Variants in MUC5AC observed in about 807,000 individuals in gnomAD.
MUC5AC encodes mucin 5AC, oligomeric mucus/gel-forming.
A neutral mutation model predicts 169.7 loss-of-function variants in MUC5AC; 158 were observed. That is an observed-to-expected ratio of 0.93 (90% CI 0.82 to 1.06). The LOEUF is 1.06. Ranked by LOEUF, MUC5AC falls within the 50% of genes least tolerant of loss-of-function variation. The probability of loss-of-function intolerance (pLI) is 0.00; values close to 1 mark genes in which losing one functional copy is unlikely to be tolerated. For synonymous variants in MUC5AC, 1,975 were observed against 1,237.0 expected (o/e 1.60, Z -12.52); for missense variants, 4,359 against 3,089.9 (o/e 1.41, Z -9.74).
chr11:1,182,014 G>A (rs1011664204), intron 30 of MUC5AC, 141 bp from the exon 31 acceptor site: 2 of 397,838 alleles, frequency 5.0e-6, no homozygotes, highest in Non-Finnish European at 8.9e-6. Flanking sequence ...GCTCATGTGG[G>A]TTCTGAGCAG....
Position 1,195,245 on chromosome 11 carries a change from C to G in MUC5AC, c.15424C>G (p.Leu5142Val), listed in dbSNP as rs1311978171. The change falls in exon 36 of 49, where the codon CTG becomes GTG. Residue 5142 changes from leucine (L) to valine (V), a missense_variant. Physicochemically the swap from Leu to Val is conservative, Grantham distance 32 (BLOSUM62 1). Transcript: ENST00000621226. ...VGPTTPPAPCLPSPICQLILS... is the reference protein window; with the variant it reads ...VGPTTPPAPCVPSPICQLILS... ...GCCCACCACACCGCCTGCTCCGTGCCTGCCATCACCCATCTGCCAGCTGAT... is the reference window on the plus strand; with the variant it reads ...GCCCACCACACCGCCTGCTCCGTGCGTGCCATCACCCATCTGCCAGCTGAT... 1 of 761,824 alleles carries G rather than the reference C, an allele frequency of 1.3e-6. No homozygotes were observed. Among genetic ancestry groups the G allele is most frequent in the Non-Finnish European group, 2.4e-6 (1 of 416,722 alleles). The allele number at this position is 761,824 out of a possible 1,614,324, so 47.2% of individuals were successfully genotyped here. A position where few individuals can be genotyped will look rare whatever the true frequency, so the allele number is the denominator to read the frequency against.
chr11:1,198,164 C>A, intron 42 of MUC5AC, 104 bp from the exon 43 acceptor site: 1 of 697,852 alleles, frequency 1.4e-6, no homozygotes, highest in Non-Finnish European at 2.6e-6. Flanking sequence ...ACCCCAGTGG[C>A]GAGCCCGGGA....
Position 1,188,355 on chromosome 11 carries a change from A to G in MUC5AC, c.10210A>G (p.Thr3404Ala). 4.6e-6 allele frequency: 3 copies of G among 647,866 alleles called. No homozygotes were observed. The highest frequency in any genetic ancestry group is 8.6e-6 in the Non-Finnish European group (3 of 349,520). 40.1% of individuals were successfully genotyped at this position (647,866 alleles called of 1,614,324 possible). The change falls in exon 31 of 49, where the codon ACC (threonine) becomes GCC (alanine). Residue 3404 changes from threonine to alanine, a missense_variant. Thr to Ala is a moderately conservative substitution (Grantham distance 58, BLOSUM62 0). Transcript: ENST00000621226. ...AACCAGCACAACCTCCACTCCACAG[A>G]CCAGCATATCCTCTGCCCCTACAAG... ...PTTSTTSTPQ[T>A]SISSAPTSST... is the part of the protein sequence containing the mutation.
intron 31 of MUC5AC, 81 bp from the exon 32 acceptor site, chr11:1,192,702 T>C: frequency 1.4e-6 from 1 of 692,328 alleles, no homozygotes. Flanking sequence ...TGGTAGAAAG[T>C]GCCCCTCTGG....
Position 1,185,570 on chromosome 11 carries a change from C to T in MUC5AC, c.7425C>T (p.Ser2475=), listed in dbSNP as rs1860918491. The part of the protein sequence containing the change: ...TTRTTSAPKS[S]TTSAATTSTT... ...GAACAACTTCTGCTCCTAAAAGCAG[C>T]ACAACCTCTGCCGCTACAACCAGCA... is the stretch of plus-strand genomic sequence containing the variant. Residue 2475 remains serine (S), a synonymous_variant, in exon 31 of 49, where the codon AGC becomes AGT. Coordinates refer to ENST00000621226, the MANE Select transcript of MUC5AC (RefSeq NM_001304359.2). 2.2e-5 allele frequency: 16 copies of T among 721,160 alleles called. No individual in the cohort carries two copies. Among genetic ancestry groups the T allele is most frequent in the South Asian group, 2.2e-4 (15 of 69,314 alleles). The allele number at this position is 721,160 out of a possible 1,614,324, so 44.7% of individuals were successfully genotyped here. A position where few individuals can be genotyped will look rare whatever the true frequency, so the allele number is the denominator to read the frequency against.
At chr11:1,199,583 C>T in intron 46 of MUC5AC, 93 bp downstream of exon 46, 3 of 692,096 alleles carry the variant, frequency 4.3e-6, no homozygotes, top group South Asian at 1.5e-5. Context: ...CAGCAGACAC[C>T]CCCTCCTGCT....
chr11:1,170,127 TCACTCACTCACC>T (rs2133730878), intron 15 of MUC5AC, among the ~76,000 whole-genome samples: 3 of 81,634 alleles, frequency 3.7e-5, no homozygotes, highest in Non-Finnish European at 4.7e-5. Context: ...ATTCACCCAT[TCACTCACTCACC>T]CACTCACCCA....
chr11:1,173,318 CATCCACT>C (rs1860594694), intron 16 of MUC5AC, among the ~76,000 whole-genome samples: 1 of 131,402 alleles, frequency 7.6e-6, no homozygotes, highest in Non-Finnish European at 1.7e-5. Flanking sequence ...CTCACTCACT[CATCCACT>C]CACTCACTCA....
chr11:1,186,292 C>G lies in MUC5AC; in HGVS notation c.8147C>G (p.Thr2716Arg). Residue 2716 changes from threonine to arginine, a missense_variant, in exon 31 of 49, where the codon ACA (threonine) becomes AGA (arginine). Physicochemically the swap from Thr to Arg is moderately conservative, Grantham distance 71 (BLOSUM62 -1). Coordinates refer to ENST00000621226, the MANE Select transcript of MUC5AC (RefSeq NM_001304359.2). Reference protein sequence around the residue: ...TSTTSAPTTSTTSAPTTSTIS... With the variant: ...TSTTSAPTTSRTSAPTTSTIS... ...ACAACCTCTGCTCCCACAACAAGCACAACCTCTGCCCCTACAACCAGCACA... is the reference window on the plus strand; with the variant it reads ...ACAACCTCTGCTCCCACAACAAGCAGAACCTCTGCCCCTACAACCAGCACA... 1.4e-6 allele frequency: 1 copy of G among 731,900 alleles called. No individual in the cohort carries two copies. The allele number at this position is 731,900 out of a possible 1,614,324, so 45.3% of individuals were successfully genotyped here.
intron 26 of MUC5AC, 40 bp from the exon 27 acceptor site, chr11:1,179,982 G>A (rs938025148): frequency 1.3e-5 from 5 of 398,558 alleles, no homozygotes; most frequent in Non-Finnish European, 2.2e-5. Flanking sequence ...CTGCGAGTGA[G>A]TTCCTGGGAC....
chr11:1,198,093 G>T, intron 42 of MUC5AC, 89 bp downstream of exon 42: 1 of 645,728 alleles, frequency 1.5e-6, no homozygotes, highest in South Asian at 1.7e-5. Context: ...TGCCAGTGCG[G>T]CTTGTCCACT....
chr11:1,164,049 G>C, intron 7 of MUC5AC, 57 bp from the exon 8 acceptor site: 1 of 1,610,086 alleles, frequency 6.2e-7, no homozygotes, highest in Non-Finnish European at 8.5e-7. Context: ...TTGTGAGCCT[G>C]GGAACCGGTC....
chr11:1,175,931 ACT>A (rs1228412856), intron 19 of MUC5AC, among the ~76,000 whole-genome samples: 2 of 92,642 alleles, frequency 2.2e-5, no homozygotes, highest in Non-Finnish European at 2.4e-5. Context: ...ATGCACACAC[ACT>A]CATACTCATG....
intron 9 of MUC5AC, 104 bp downstream of exon 9, chr11:1,164,636 G>A (rs1406391825): frequency 9.1e-6 from 13 of 1,431,294 alleles, no homozygotes; most frequent in South Asian, 2.9e-5. Flanking sequence ...CTAGTGTCCC[G>A]GGCCCCTGAG....
Position 1,187,628 on chromosome 11 carries a change from C to G in MUC5AC, c.9483C>G (p.Thr3161=), listed in dbSNP as rs1860986637. The G allele has an allele frequency of 1.3e-6, 1 of 764,020 alleles. No individual in the cohort carries two copies. Among genetic ancestry groups the G allele is most frequent in the African/African-American group, 1.7e-5 (1 of 59,048 alleles). The allele number at this position is 764,020 out of a possible 1,614,324, so 47.3% of individuals were successfully genotyped here. A position where few individuals can be genotyped will look rare whatever the true frequency, so the allele number is the denominator to read the frequency against. Residue 3161 remains threonine (T), a synonymous_variant, in exon 31 of 49, where the codon ACC becomes ACG. Transcript: ENST00000621226. ...GAACCACTCCCAGCCCTGTTCCCAC[C>G]ACCAGCACAATCTTTGCTCCTAGAA... ...GPGTTPSPVP[T]TSTIFAPRTS... is the part of the protein sequence containing the mutation.
chr11:1,172,610 G>C (rs947651913), intron 16 of MUC5AC, 87 bp downstream of exon 16: 7 of 398,348 alleles, frequency 1.8e-5, no homozygotes, highest in Non-Finnish European at 4.4e-6. Context: ...GCACTGGTGG[G>C]CTCAGCAGGC....
chr11:1,163,081 T>G (rs773141631), intron 6 of MUC5AC, 36 bp downstream of exon 6: 20 of 1,580,866 alleles, frequency 1.3e-5, no homozygotes, highest in Non-Finnish European at 1.7e-5. Context: ...CCTTCCTCAG[T>G]GTCCCCTGGG....
intron 24 of MUC5AC, 55 bp from the exon 25 acceptor site, chr11:1,178,389 C>A: frequency 2.3e-6 from 1 of 437,362 alleles, no homozygotes; most frequent in Non-Finnish European, 3.9e-6. Flanking sequence ...GGCAGGGTGG[C>A]TCTGGCCTTC....
chr11:1,197,454 C>G lies in MUC5AC; in HGVS notation c.15862-14C>G, dbSNP rs758739888. 1 of 706,490 alleles carries G rather than the reference C, an allele frequency of 1.4e-6. No individual in the cohort carries two copies. Among genetic ancestry groups the G allele is most frequent in the South Asian group, 1.5e-5 (1 of 67,736 alleles). 43.8% of individuals were successfully genotyped at this position (706,490 alleles called of 1,614,324 possible). A position where few individuals can be genotyped will look rare whatever the true frequency, so the allele number is the denominator to read the frequency against. On this transcript the variant is annotated splice_polypyrimidine_tract_variant and intron_variant, in intron 40 of 48. Coordinates refer to ENST00000621226, the MANE Select transcript of MUC5AC (RefSeq NM_001304359.2). ...GCCGCTGCGGACGCTGGACCTCAGT[C>G]CCCTTCCTTGCAGGTGGGCCACACC...
Sources: allele counts gnomAD v4.1 joint callset (sites outside exome capture counted in the v4.1 genomes callset), GRCh38; gene constraint gnomAD v4.1.1; transcripts MANE v1.5; gene names NCBI Gene and HGNC (gene_info 2026-07-23, HGNC 2026-07-21).